DENND5B: variants seen among roughly 807,000 people sequenced by gnomAD.
DENND5B encodes the protein DENN domain containing 5B.
Under a neutral mutation model 140.6 loss-of-function variants are expected in DENND5B, and 34 were observed. The ratio of observed to expected loss-of-function variants is 0.24; its 90% CI spans 0.18 to 0.32. The LOEUF (loss-of-function observed/expected upper bound fraction) is 0.32. DENND5B is among the 10% of genes least tolerant of loss of function. The probability of loss-of-function intolerance (pLI) is 1.00; values close to 1 mark genes in which losing one functional copy is unlikely to be tolerated. For synonymous variants in DENND5B, 551 were observed against 562.1 expected (o/e 0.98, Z 0.28); for missense variants, 1,142 against 1,560.2 (o/e 0.73, Z 4.52).
intron 1 of DENND5B, among the ~76,000 whole-genome samples, chr12:31,568,130 C>T (rs370056516): frequency 2.0e-5 from 3 of 152,182 alleles, no homozygotes; most frequent in South Asian, 4.1e-4. Flanking sequence ...CTGCTAATGA[C>T]ACCACAAGTG....
Position 31,387,356 on chromosome 12 carries a change from T to C in DENND5B, c.*247A>G. On this transcript the variant is annotated 3_prime_UTR_variant, in exon 21 of 21. Coordinates refer to ENST00000389082, the MANE Select transcript of DENND5B (RefSeq NM_144973.4). ...AGAAAAGCATCTTATTAGAGTAATA[T>C]AATTTCTTAAAGAAGATAGCATATT... 2.7e-6 allele frequency: 1 copy of C among 364,536 alleles called. No homozygotes were observed. 22.6% of individuals were successfully genotyped at this position (364,536 alleles called of 1,614,324 possible). A position where few individuals can be genotyped will look rare whatever the true frequency, so the allele number is the denominator to read the frequency against.
chr12:31,566,103 C>G (rs148723366), intron 1 of DENND5B, among the ~76,000 whole-genome samples: 121 of 152,238 alleles, frequency 7.9e-4, no homozygotes, highest in African/African-American at 2.4e-3. Flanking sequence ...TGAGATCACA[C>G]CACTACAGTG....
chr12:31,495,969 TC>T (rs1357036503), intron 1 of DENND5B, 50 bp from the exon 2 acceptor site: 1 of 1,311,612 alleles, frequency 7.6e-7, no homozygotes, highest in East Asian at 2.5e-5. Context: ...CAAAAGCATG[TC>T]ATAGTTTTCT....
At chr12:31,530,335 T>C (rs1203596908) in intron 1 of DENND5B, among the ~76,000 whole-genome samples, 1 of 152,186 alleles carries the variant, frequency 6.6e-6, no homozygotes, top group Non-Finnish European at 1.5e-5. Context: ...ATCGTGCCAT[T>C]GCACTCCAGC....
intron 1 of DENND5B, among the ~76,000 whole-genome samples, chr12:31,513,126 A>G (rs1230035218): frequency 6.6e-6 from 1 of 152,132 alleles, no homozygotes; most frequent in Non-Finnish European, 1.5e-5. Flanking sequence ...AGGTCCCTCA[A>G]CTGGGATTTG....
chr12:31,507,185 T>C (rs1186436144), intron 1 of DENND5B, among the ~76,000 whole-genome samples: 4 of 151,872 alleles, frequency 2.6e-5, no homozygotes, highest in African/African-American at 9.7e-5. Context: ...CAAATTCCTT[T>C]TTTTTTTTTA....
At chr12:31,448,310 A>T (rs1038961182) in intron 5 of DENND5B, among the ~76,000 whole-genome samples, 1 of 151,592 alleles carries the variant, frequency 6.6e-6, no homozygotes, top group Non-Finnish European at 1.5e-5. Flanking sequence ...AATTTTTTTG[A>T]ATTTTTAGTA....
chr12:31,415,431 T>C lies in DENND5B; in HGVS notation c.2488A>G (p.Arg830Gly). 1 of 1,608,950 alleles carries C rather than the reference T, an allele frequency of 6.2e-7. No individual in the cohort carries two copies. Among genetic ancestry groups the C allele is most frequent in the African/African-American group, 1.3e-5 (1 of 74,924 alleles). The change falls in exon 12 of 21, where the codon AGA becomes GGA. Residue 830 changes from arginine (R) to glycine (G), a missense_variant. This residue lies in a region of DENND5B where 268 missense variants were observed against 349.2 expected (regional missense o/e 0.77). Transcript: ENST00000389082. ...ATAACTCCTGAGTCAGATTTTCTTC[T>C]TTCTGGTCCGAGGGCAACTATGTAG... Reference protein sequence around the residue: ...AESPVALGPERRKSDSGVMLP... With the variant: ...AESPVALGPEGRKSDSGVMLP...
rs954266599 is a variant in DENND5B, at chr12:31,512,897, G to C, written c.128-16978C>G. 6.6e-5 allele frequency among the ~76,000 whole-genome samples: 10 copies of C among 152,180 alleles called. No individual in the cohort carries two copies. In the South Asian group the frequency reaches 1.0e-3, roughly 16 times the overall value. On this transcript the variant is annotated intron_variant, in intron 1 of 20. Transcript: ENST00000389082. ...CATTAGTACATTTATTAAAATTAACGACCAGTATTTGGTACATTATTAGCG... is the reference window on the plus strand; with the variant it reads ...CATTAGTACATTTATTAAAATTAACCACCAGTATTTGGTACATTATTAGCG...
rs1240512289 is a variant in DENND5B, at chr12:31,590,836, G to C, written c.-4C>G. 2.4e-6 allele frequency: 3 copies of C among 1,237,970 alleles called. No homozygotes were observed. In the Admixed American group the frequency reaches 1.3e-4, roughly 54 times the overall value. 76.7% of individuals were successfully genotyped at this position (1,237,970 alleles called of 1,614,324 possible). On this transcript the variant is annotated 5_prime_UTR_variant, in exon 1 of 21. Coordinates refer to ENST00000389082, the MANE Select transcript of DENND5B (RefSeq NM_144973.4). Reference sequence around the variant, plus strand: ...GCGCCGCGCAGCTCCCGCTCATCCCGGCCGCGCTGCTCCAGGGGCCGCCGC... The same window carrying C: ...GCGCCGCGCAGCTCCCGCTCATCCCCGCCGCGCTGCTCCAGGGGCCGCCGC...
At position 31,491,324 on chromosome 12, in the gene DENND5B, G is replaced by A. The variant is rs531437411; in HGVS notation, c.237+4486C>T. Among the ~76,000 whole-genome samples the A allele has an allele frequency of 8.5e-4, 130 of 152,214 alleles. 2 individuals carry two copies. The highest frequency in any genetic ancestry group is 7.5e-3 in the Admixed American group (115 of 15,276). ...AAAAATTAGCCAGGCGTGATGGTGCGCGACTATAATCCCAGCTACTCAAGA... is the reference window on the plus strand; with the variant it reads ...AAAAATTAGCCAGGCGTGATGGTGCACGACTATAATCCCAGCTACTCAAGA... On this transcript the variant is annotated intron_variant, in intron 2 of 20. Coordinates refer to ENST00000389082, the MANE Select transcript of DENND5B (RefSeq NM_144973.4).
At chr12:31,575,050 G>A (rs1420014449) in intron 1 of DENND5B, among the ~76,000 whole-genome samples, 2 of 152,140 alleles carry the variant, frequency 1.3e-5, no homozygotes, top group Non-Finnish European at 2.9e-5. Context: ...CATTTTCCTC[G>A]AGCTGAGCAA....
At chr12:31,393,900 C>T (rs765925514) in intron 17 of DENND5B, among the ~76,000 whole-genome samples, 3 of 152,154 alleles carry the variant, frequency 2.0e-5, no homozygotes, top group East Asian at 1.9e-4. Context: ...ATATTGGTCA[C>T]GCTGGTCTCG....
At chr12:31,510,642 A>C (rs1947375344) in intron 1 of DENND5B, among the ~76,000 whole-genome samples, 1 of 152,014 alleles carries the variant, frequency 6.6e-6, no homozygotes, top group Admixed American at 6.6e-5. Context: ...CTCAAATCAA[A>C]CCATCTTGCA....
intron 8 of DENND5B, among the ~76,000 whole-genome samples, chr12:31,431,601 C>G (rs915348890): frequency 1.3e-5 from 2 of 151,994 alleles, no homozygotes; most frequent in Non-Finnish European, 2.9e-5. Context: ...ATTTTCTGAC[C>G]ACATAAAATA....
intron 1 of DENND5B, among the ~76,000 whole-genome samples, chr12:31,502,931 G>A (rs1352323221): frequency 6.6e-6 from 1 of 152,146 alleles, no homozygotes; most frequent in Admixed American, 6.6e-5. Flanking sequence ...GATCTCTGAG[G>A]AACAGCCAGG....
At chr12:31,566,197 G>A (rs530591956) in intron 1 of DENND5B, among the ~76,000 whole-genome samples, 1 of 152,214 alleles carries the variant, frequency 6.6e-6, no homozygotes, top group South Asian at 2.1e-4. Context: ...GTGCACACCT[G>A]TAGTTCCAGC....
intron 11 of DENND5B, chr12:31,420,021 C>G: frequency 2.0e-6 from 2 of 984,616 alleles, no homozygotes; most frequent in Non-Finnish European, 2.4e-6. Context: ...TTTCCACTCC[C>G]TTCAGTGGAA....
At chr12:31,525,151 G>A (rs756725931) in intron 1 of DENND5B, among the ~76,000 whole-genome samples, 6 of 152,124 alleles carry the variant, frequency 3.9e-5, no homozygotes, top group Non-Finnish European at 7.4e-5. Flanking sequence ...AATAATAACT[G>A]CTTTGAAAAA....
Sources: allele counts gnomAD v4.1 joint callset (sites outside exome capture counted in the v4.1 genomes callset), GRCh38; gene constraint gnomAD v4.1.1; regional missense constraint gnomAD v4.1.1; transcripts MANE v1.5; gene names NCBI Gene and HGNC (gene_info 2026-07-23, HGNC 2026-07-21).